The following ERBB4 variants were observed in gnomAD, a reference collection of about 807,000 sequenced individuals.
The protein encoded by ERBB4 is erb-b2 receptor tyrosine kinase 4, also known as receptor tyrosine-protein kinase erbB-4.
ERBB4 carries 42 observed loss-of-function variants against 158.0 expected under a neutral mutation model. The ratio of observed to expected loss-of-function variants is 0.27; its 90% CI spans 0.21 to 0.34. The LOEUF is 0.34. ERBB4 is among the 10% of genes least tolerant of loss of function. The probability of loss-of-function intolerance (pLI) is 1.00; values close to 1 mark genes in which losing one functional copy is unlikely to be tolerated. For synonymous variants in ERBB4, 583 were observed against 558.7 expected, an observed-to-expected ratio of 1.04 and a Z score of -0.61; for missense variants, 1,333 against 1,624.1, an observed-to-expected ratio of 0.82 and a Z score of 3.08.
At chr2:211,671,174 TTATACAG>T (rs1277858984) in intron 14 of ERBB4, among the ~76,000 whole-genome samples, 5 of 152,144 alleles carry the variant, frequency 3.3e-5, no homozygotes, top group Non-Finnish European at 7.4e-5. Flanking sequence ...TGTATTTTCA[TTATACAG>T]TATACAATAG....
chr2:211,528,314 CATAAATATATAT>C (rs2066407246), intron 20 of ERBB4, among the ~76,000 whole-genome samples: 1 of 151,784 alleles, frequency 6.6e-6, no homozygotes, highest in Non-Finnish European at 1.5e-5. Context: ...ATATAACAAT[CATAAATATATAT>C]GTACTCAACA....
chr2:212,444,154 A>G (rs577702008), intron 1 of ERBB4, among the ~76,000 whole-genome samples: 2 of 152,286 alleles, frequency 1.3e-5, no homozygotes, highest in Admixed American at 1.3e-4. Context: ...TGAGTTCCCT[A>G]TGATCAGTTG....
At chr2:212,527,995 T>C (rs1393726799) in intron 1 of ERBB4, among the ~76,000 whole-genome samples, 1 of 151,790 alleles carries the variant, frequency 6.6e-6, no homozygotes, top group Non-Finnish European at 1.5e-5. Flanking sequence ...AGAATGATGA[T>C]TTCCAAATCT....
At chr2:212,449,019 T>C (rs2092406772) in intron 1 of ERBB4, among the ~76,000 whole-genome samples, 2 of 152,144 alleles carry the variant, frequency 1.3e-5, no homozygotes, top group African/African-American at 4.8e-5. Flanking sequence ...TTCATATTTC[T>C]ATTCAGTCTA....
chr2:211,669,284 A>T (rs990871968), intron 14 of ERBB4, among the ~76,000 whole-genome samples: 1 of 151,960 alleles, frequency 6.6e-6, no homozygotes, highest in Non-Finnish European at 1.5e-5. Flanking sequence ...TACATGAAAA[A>T]AAAAGAACTT....
chr2:212,388,627 A>C (rs974883965), intron 1 of ERBB4, among the ~76,000 whole-genome samples: 2 of 152,106 alleles, frequency 1.3e-5, no homozygotes, highest in African/African-American at 4.8e-5. Flanking sequence ...GCATCAAAAA[A>C]ATGGACTGAA....
At chr2:211,718,069 G>A (rs936119952) in intron 7 of ERBB4, among the ~76,000 whole-genome samples, 2 of 152,032 alleles carry the variant, frequency 1.3e-5, no homozygotes, top group South Asian at 2.1e-4. Flanking sequence ...GTGCCACCAC[G>A]ACCGGATAAT....
At chr2:212,412,359 T>A (rs768062161) in intron 1 of ERBB4, among the ~76,000 whole-genome samples, 1 of 152,202 alleles carries the variant, frequency 6.6e-6, no homozygotes, top group Non-Finnish European at 1.5e-5. Flanking sequence ...CCCTCATGAA[T>A]GGCTTAATGC....
intron 22 of ERBB4, among the ~76,000 whole-genome samples, chr2:211,425,847 T>C (rs1237033908): frequency 6.6e-6 from 1 of 152,008 alleles, no homozygotes; most frequent in Non-Finnish European, 1.5e-5. Context: ...CATGCCTGGC[T>C]GATTTTCGTA....
chr2:211,741,890 G>A (rs1470534181), intron 5 of ERBB4, among the ~76,000 whole-genome samples: 1 of 152,114 alleles, frequency 6.6e-6, no homozygotes, highest in East Asian at 1.9e-4. Context: ...GAACACATCA[G>A]GGAAGATTTT....
intron 1 of ERBB4, among the ~76,000 whole-genome samples, chr2:212,209,941 AC>A (rs1452662732): frequency 6.6e-6 from 1 of 152,004 alleles, no homozygotes; most frequent in Non-Finnish European, 1.5e-5. Context: ...TGCTTGACTG[AC>A]CTGCATTGTT....
intron 20 of ERBB4, among the ~76,000 whole-genome samples, chr2:211,469,041 A>G (rs1239155009): frequency 6.6e-6 from 1 of 152,054 alleles, no homozygotes; most frequent in East Asian, 1.9e-4. Context: ...GGCTGCGTGC[A>G]GAAGTCTGGA....
chr2:212,111,529 T>G (rs529265852), intron 2 of ERBB4, among the ~76,000 whole-genome samples: 93 of 152,306 alleles, frequency 6.1e-4, no homozygotes, highest in Middle Eastern at 6.8e-3. Flanking sequence ...GGTAAATACT[T>G]TCTCTTTTTT....
At chr2:211,674,886 G>A (rs1195794448) in intron 13 of ERBB4, among the ~76,000 whole-genome samples, 3 of 151,994 alleles carry the variant, frequency 2.0e-5, no homozygotes. Context: ...CAAAGGTCAC[G>A]TTTTTCTTAT....
rs546066926 is a variant in ERBB4 at position 211,568,417 on chromosome 2, A to AT, written c.2302-6330dup. ...TGTACAATAATAAGTGAGCAATACC[A>AT]TTTTTTTATATTCAGCTATCGTTTT... On this transcript the variant is annotated intron_variant, in intron 19 of 27. Coordinates refer to ENST00000342788, the MANE Select transcript of ERBB4 (RefSeq NM_005235.3). 5.3e-4 allele frequency among the ~76,000 whole-genome samples: 81 copies of AT among 152,128 alleles called. 1 individual carries two copies. The highest frequency in any genetic ancestry group is 1.5e-3 in the South Asian group (7 of 4,824).
At chr2:212,103,829 G>A (rs1443962748) in intron 2 of ERBB4, among the ~76,000 whole-genome samples, 2 of 151,810 alleles carry the variant, frequency 1.3e-5, no homozygotes, top group African/African-American at 2.4e-5. Flanking sequence ...TGAATGTTAA[G>A]AACTGTGAAG....
intron 1 of ERBB4, among the ~76,000 whole-genome samples, chr2:212,505,535 T>G (rs972123330): frequency 6.8e-6 from 1 of 146,000 alleles, no homozygotes; most frequent in African/African-American, 2.4e-5. Flanking sequence ...TTCCAAAGGG[T>G]CTCCTGTGCA....
intron 1 of ERBB4, among the ~76,000 whole-genome samples, chr2:212,280,204 C>A (rs1305304732): frequency 1.3e-5 from 2 of 151,572 alleles, no homozygotes; most frequent in Non-Finnish European, 3.0e-5. Context: ...CCCAGTTGCT[C>A]TCAAAAATAT....
chr2:212,500,913 T>A (rs1289018966), intron 1 of ERBB4, among the ~76,000 whole-genome samples: 1 of 152,154 alleles, frequency 6.6e-6, no homozygotes, highest in African/African-American at 2.4e-5. Context: ...GAGAAAATAT[T>A]CTAACTCTTC....
Sources: gnomAD v4.1 joint callset for allele counts (sites outside exome capture counted in the v4.1 genomes callset) on GRCh38, gnomAD v4.1.1 for gene constraint, MANE v1.5 for transcripts, NCBI Gene and HGNC (gene_info 2026-07-23, HGNC 2026-07-21) for gene names.